Variants in RASGRP3 observed in about 807,000 individuals in gnomAD.
RASGRP3 encodes the protein ras guanyl-releasing protein 3.
A neutral mutation model predicts 82.7 loss-of-function variants in RASGRP3; 54 were observed. The observed-to-expected ratio is 0.65, with a 90% CI of 0.52 to 0.82. RASGRP3 has a LOEUF of 0.82. Among genes scored for constraint, RASGRP3 ranks in the 40% least tolerant of loss-of-function variants. The pLI, the probability that RASGRP3 is intolerant of heterozygous loss-of-function variation, is 0.00. For synonymous variants in RASGRP3, 309 were observed against 300.5 expected (o/e 1.03, Z -0.29); for missense variants, 861 against 828.9 (o/e 1.04, Z -0.48).
At chr2:33,499,355 CGA>C (rs1246154067) in intron 1 of RASGRP3, among the ~76,000 whole-genome samples, 2 of 152,070 alleles carry the variant, frequency 1.3e-5, no homozygotes, top group African/African-American at 4.8e-5. Context: ...CTCAGGAGTT[CGA>C]GACCAGCCTG....
chr2:33,489,357 ACTG>A (rs1474022715), intron 1 of RASGRP3, among the ~76,000 whole-genome samples: 2 of 152,180 alleles, frequency 1.3e-5, no homozygotes, highest in African/African-American at 4.8e-5. Context: ...TTGCAGAAAT[ACTG>A]CTGCATCGGC....
At chr2:33,452,063 T>G (rs1665828780) in intron 2 of RASGRP3, among the ~76,000 whole-genome samples, 1 of 152,168 alleles carries the variant, frequency 6.6e-6, no homozygotes, top group African/African-American at 2.4e-5. Context: ...GATCCAGAAT[T>G]TCTGCCTTGT....
Position 33,558,886 on chromosome 2 carries a change from C to G in RASGRP3, c.1920C>G (p.Phe640Leu). Residue 640 changes from phenylalanine to leucine, a missense_variant, in exon 17 of 18, where the codon TTC becomes TTG. By Grantham distance (22) the Phe-to-Leu change is conservative. Transcript: ENST00000403687. Reference sequence around the variant, plus strand: ...CCTTCCCTAAAATGAAATCCAAGTTCCATGACAAAGCAGCAAAGGACAAAG... The same window carrying G: ...CCTTCCCTAAAATGAAATCCAAGTTGCATGACAAAGCAGCAAAGGACAAAG... The part of the protein sequence containing the change: ...SHTFPKMKSK[F>L]HDKAAKDKGF... The G allele has an allele frequency of 6.2e-7, 1 of 1,614,000 alleles. No individual in the cohort carries two copies. Among genetic ancestry groups the G allele is most frequent in the Non-Finnish European group, 8.5e-7 (1 of 1,179,890 alleles).
chr2:33,548,005 G>T (rs1372397135), intron 13 of RASGRP3, among the ~76,000 whole-genome samples: 1 of 152,198 alleles, frequency 6.6e-6, no homozygotes, highest in Non-Finnish European at 1.5e-5. Flanking sequence ...GGCATAAACA[G>T]TACCTGGAGG....
intron 2 of RASGRP3, among the ~76,000 whole-genome samples, chr2:33,460,827 T>C (rs4670558): frequency 0.84 from 128,032 of 152,204 alleles, 54,420 homozygotes; most frequent in African/African-American, 0.96. Flanking sequence ...ATTTAAGTAT[T>C]TTATAACATA....
intron 13 of RASGRP3, among the ~76,000 whole-genome samples, chr2:33,548,381 A>AAAAAAAAAAAAG (rs764069871): frequency 1.5e-4 from 19 of 127,956 alleles, no homozygotes; most frequent in South Asian, 2.4e-4. Context: ...AAAAAAAAAA[A>AAAAAAAAAAAAG]AAGAAGGTAG....
intron 1 of RASGRP3, among the ~76,000 whole-genome samples, chr2:33,484,976 A>G (rs1332982692): frequency 6.6e-6 from 1 of 152,156 alleles, no homozygotes; most frequent in Non-Finnish European, 1.5e-5. Context: ...AGGCAGGTGG[A>G]TCACCTGAGG....
chr2:33,562,864 A>ACAC lies in RASGRP3; in HGVS notation c.*128_*130dup. On this transcript the variant is annotated 3_prime_UTR_variant, in exon 18 of 18. Transcript: ENST00000403687. Reference sequence around the variant, plus strand: ...ATACCTGGATGTTTACTGCCTTGGGACACTGTGGGATCTCCATGTTTGGAC... The same window carrying ACAC: ...ATACCTGGATGTTTACTGCCTTGGGACACCACTGTGGGATCTCCATGTTTGGAC... 8.1e-7 allele frequency: 1 copy of ACAC among 1,239,454 alleles called. No individual in the cohort carries two copies. The highest frequency in any genetic ancestry group is 1.2e-6 in the Non-Finnish European group (1 of 869,282). 76.8% of individuals were successfully genotyped at this position (1,239,454 alleles called of 1,614,324 possible).
At chr2:33,470,271 G>A (rs1666977581) in intron 2 of RASGRP3, among the ~76,000 whole-genome samples, 1 of 151,538 alleles carries the variant, frequency 6.6e-6, no homozygotes, top group East Asian at 1.9e-4. Flanking sequence ...GTATCAAACT[G>A]TTTTTAATTT....
chr2:33,557,381 C>T (rs545836625), intron 15 of RASGRP3, among the ~76,000 whole-genome samples: 2 of 152,124 alleles, frequency 1.3e-5, no homozygotes, highest in Non-Finnish European at 2.9e-5. Context: ...TAATCACTGG[C>T]CCTGAAAGGT....
intron 2 of RASGRP3, among the ~76,000 whole-genome samples, chr2:33,464,081 T>A (rs1332964558): frequency 6.8e-6 from 1 of 146,762 alleles, no homozygotes; most frequent in African/African-American, 2.5e-5. Flanking sequence ...TTAGTAATTC[T>A]TGCAATATTC....
intron 10 of RASGRP3, among the ~76,000 whole-genome samples, chr2:33,530,062 CT>C (rs1410420617): frequency 6.6e-6 from 1 of 152,168 alleles, no homozygotes; most frequent in East Asian, 1.9e-4. Flanking sequence ...AGGCTTCCAT[CT>C]TGTGGTCACT....
rs115521892 is a variant in RASGRP3, at chr2:33,505,606, C to T, written c.-260-6104C>T. On this transcript the variant is annotated intron_variant, in intron 1 of 17. Coordinates refer to ENST00000403687, the MANE Select transcript of RASGRP3 (RefSeq NM_001139488.2). The stretch of plus-strand genomic sequence containing the variant: ...GAGCCACCATGCCAGCAGGATTCTT[C>T]GGAATACAATATTGGTATTTTTGAG... 7.9e-3 allele frequency among the ~76,000 whole-genome samples: 1,197 copies of T among 152,188 alleles called. 15 individuals carry two copies. Among genetic ancestry groups the T allele is most frequent in the African/African-American group, 0.028 (1,146 of 41,508 alleles).
chr2:33,452,218 A>G (rs1333368682), intron 2 of RASGRP3, among the ~76,000 whole-genome samples: 1 of 152,222 alleles, frequency 6.6e-6, no homozygotes, highest in African/African-American at 2.4e-5. Flanking sequence ...CAGGCAGTTC[A>G]TAGATCTCCA....
chr2:33,518,425 G>A (rs1671667995), intron 4 of RASGRP3, among the ~76,000 whole-genome samples: 1 of 152,222 alleles, frequency 6.6e-6, no homozygotes, highest in Non-Finnish European at 1.5e-5. Context: ...CGCTCAGGGT[G>A]AGTCAGTGAG....
chr2:33,511,828 G>T lies in RASGRP3; in HGVS notation c.-142G>T, dbSNP rs1670956143. ...TTCTTTCAGATTTGGAACTGTATCT[G>T]TATGGAAACAACAGGTAAGTATTTC... On this transcript the variant is annotated 5_prime_UTR_variant, in exon 2 of 18. Coordinates refer to ENST00000403687, the MANE Select transcript of RASGRP3 (RefSeq NM_001139488.2). 1 of 152,568 alleles carries T rather than the reference G, an allele frequency of 6.6e-6. No homozygotes were observed. The highest frequency in any genetic ancestry group is 1.5e-5 in the Non-Finnish European group (1 of 68,026). The allele number at this position is 152,568 out of a possible 1,614,324, so 9.5% of individuals were successfully genotyped here.
chr2:33,513,308 A>G lies in RASGRP3; in HGVS notation c.-128+1466A>G, dbSNP rs897858428. 5.6e-4 allele frequency among the ~76,000 whole-genome samples: 85 copies of G among 152,310 alleles called. 1 individual carries two copies. Among genetic ancestry groups the G allele is most frequent in the Middle Eastern group, 3.4e-3 (1 of 294 alleles). ...GTGCCTGGTGAACAGACTCATTCCA[A>G]TGTCACTCCAGTGGTCTCACTGAAC... On this transcript the variant is annotated intron_variant, in intron 2 of 17. Coordinates refer to ENST00000403687, the MANE Select transcript of RASGRP3 (RefSeq NM_001139488.2).
At chr2:33,546,351 AGGCG>A (rs762764937) in intron 13 of RASGRP3, among the ~76,000 whole-genome samples, 6 of 150,912 alleles carry the variant, frequency 4.0e-5, no homozygotes, top group Non-Finnish European at 8.9e-5. Flanking sequence ...TGAACCCGCG[AGGCG>A]GAGCTTGCAG....
intron 1 of RASGRP3, among the ~76,000 whole-genome samples, chr2:33,508,590 T>C (rs946526544): frequency 6.6e-6 from 1 of 152,124 alleles, no homozygotes; most frequent in Non-Finnish European, 1.5e-5. Flanking sequence ...TCTGGCAACT[T>C]CCATTTACTC....
Sources: allele counts gnomAD v4.1 joint callset (sites outside exome capture counted in the v4.1 genomes callset), GRCh38; gene constraint gnomAD v4.1.1; transcripts MANE v1.5; gene names NCBI Gene and HGNC (gene_info 2026-07-23, HGNC 2026-07-21).